TRAFD1: variants seen among roughly 807,000 people sequenced by gnomAD.
TRAFD1 encodes TRAF-type zinc finger domain containing 1.
Under a neutral mutation model 65.3 loss-of-function variants are expected in TRAFD1, and 38 were observed. The observed-to-expected ratio is 0.58, with a 90% CI of 0.45 to 0.76. TRAFD1 has a LOEUF of 0.76. Among genes scored for constraint, TRAFD1 ranks in the 30% least tolerant of loss-of-function variants. TRAFD1 has a pLI of 0.00. For missense variants in TRAFD1, 631 were observed against 712.6 expected (o/e 0.89, Z 1.30); for synonymous variants, 223 against 257.2 (o/e 0.87, Z 1.27).
chr12:112,140,119 G>A (rs755468886), intron 4 of TRAFD1: 12 of 334,036 alleles, frequency 3.6e-5, no homozygotes, highest in South Asian at 2.2e-4. Flanking sequence ...TCATTATTAG[G>A]TACTTAAGAC....
intron 4 of TRAFD1, among the ~76,000 whole-genome samples, chr12:112,135,945 C>T (rs1168360523): frequency 6.6e-6 from 1 of 150,810 alleles, no homozygotes; most frequent in Non-Finnish European, 1.5e-5. Context: ...AGTTTGAGAC[C>T]AGCCTGGCCA....
Position 112,130,828 on chromosome 12 carries a change from A to G in TRAFD1, c.47+259A>G, listed in dbSNP as rs529205769. Among the ~76,000 whole-genome samples the G allele has an allele frequency of 6.6e-6, 1 of 152,308 alleles. No individual in the cohort carries two copies. The highest frequency in any genetic ancestry group is 1.5e-5 in the Non-Finnish European group (1 of 68,014). Reference sequence around the variant, plus strand: ...TATCTTGGTATCTTGGTGCTATACAAGTGCTGTTACTGTAAGCTGACAAAA... The same window carrying G: ...TATCTTGGTATCTTGGTGCTATACAGGTGCTGTTACTGTAAGCTGACAAAA... On this transcript the variant is annotated intron_variant, in intron 2 of 11. Transcript: ENST00000412615. The surrounding 1 kb of genome is among the most constrained non-coding windows in gnomAD (Gnocchi z 4.4).
intron 7 of TRAFD1, among the ~76,000 whole-genome samples, chr12:112,146,479 T>C (rs1446902816): frequency 6.6e-6 from 1 of 152,256 alleles, no homozygotes; most frequent in Non-Finnish European, 1.5e-5. Context: ...CTATCCGTTT[T>C]GTGATCTGGT....
At chr12:112,146,181 A>G (rs923490987) in intron 7 of TRAFD1, among the ~76,000 whole-genome samples, 8 of 150,452 alleles carry the variant, frequency 5.3e-5, no homozygotes, top group East Asian at 3.9e-4. Flanking sequence ...ATAATAAAAA[A>G]AAGAAGAAGA....
At chr12:112,139,282 C>G (rs1487402733) in intron 4 of TRAFD1, among the ~76,000 whole-genome samples, 1 of 151,428 alleles carries the variant, frequency 6.6e-6, no homozygotes, top group Non-Finnish European at 1.5e-5. Flanking sequence ...CCCAGGAGGT[C>G]AAGGCTGCGG....
chr12:112,134,864 A>T lies in TRAFD1; in HGVS notation c.174A>T (p.Glu58Asp), dbSNP rs772980262. 1.3e-5 allele frequency: 21 copies of T among 1,612,926 alleles called. No individual in the cohort carries two copies. Among genetic ancestry groups the T allele is most frequent in the Admixed American group, 1.7e-5 (1 of 60,002 alleles). ...KSDMETHMAA[E>D]HCQVTCKCNK... ...ACATGGAGACTCACATGGCTGCAGA[A>T]CACTGTCAGGTGAGCCACCAAGTAC... Residue 58 changes from glutamate to aspartate, a missense_variant, in exon 3 of 12, where the codon GAA becomes GAT. Coordinates refer to ENST00000412615, the MANE Select transcript of TRAFD1 (RefSeq NM_006700.3).
intron 7 of TRAFD1, 145 bp downstream of exon 7, chr12:112,145,807 G>C (rs2030223962): frequency 1.4e-6 from 1 of 701,450 alleles, no homozygotes; most frequent in African/African-American, 1.8e-5. Flanking sequence ...TGATGTGAGT[G>C]GCATACAGAT....
At position 112,137,473 on chromosome 12, in the gene TRAFD1, C is replaced by T. The variant is rs1168647281; in HGVS notation, c.237+2407C>T. Among the ~76,000 whole-genome samples the T allele has an allele frequency of 6.6e-6, 1 of 152,018 alleles. No individual in the cohort carries two copies. The highest frequency in any genetic ancestry group is 1.9e-4 in the East Asian group (1 of 5,140). On this transcript the variant is annotated intron_variant, in intron 4 of 11. Coordinates refer to ENST00000412615, the MANE Select transcript of TRAFD1 (RefSeq NM_006700.3). The surrounding 1 kb of genome is among the most constrained non-coding windows in gnomAD (Gnocchi z 4.2). ...GGGAGCATCCCTCAGCCTTGATCTT[C>T]ATTTCTTGGCTGGGCGCAGTGGCTC...
chr12:112,141,346 G>A, intron 5 of TRAFD1, 122 bp downstream of exon 5: 3 of 1,122,304 alleles, frequency 2.7e-6, no homozygotes, highest in Non-Finnish European at 3.8e-6. Flanking sequence ...AGTAACACTG[G>A]GAAGAATACC....
chr12:112,149,433 T>C, intron 8 of TRAFD1: 1 of 242,356 alleles, frequency 4.1e-6, no homozygotes, highest in South Asian at 5.3e-5. Flanking sequence ...CTTGTTCTAC[T>C]CTTTTCCCCG....
Position 112,149,837 on chromosome 12 carries a change from A to G in TRAFD1, c.1245A>G (p.Ser415=), listed in dbSNP as rs903073426. The G allele has an allele frequency of 6.2e-7, 1 of 1,614,078 alleles. No homozygotes were observed. The highest frequency in any genetic ancestry group is 1.3e-5 in the African/African-American group (1 of 74,942). Residue 415 remains serine (S), a synonymous_variant, in exon 9 of 12, where the codon TCA becomes TCG. Coordinates refer to ENST00000412615, the MANE Select transcript of TRAFD1 (RefSeq NM_006700.3). The stretch of plus-strand genomic sequence containing the variant: ...TGGATTCCCAGCCTCAAGAGACCTC[A>G]CCAGAGCTGCCCAGGAGGCGTGTCA... ...PRLDSQPQET[S]PELPRRRVRH...
chr12:112,149,460 T>C, intron 8 of TRAFD1: 1 of 285,930 alleles, frequency 3.5e-6, no homozygotes, highest in South Asian at 4.0e-5. Context: ...CTATTGCACT[T>C]GAATAGTCTT....
intron 5 of TRAFD1, 64 bp from the exon 6 acceptor site, chr12:112,142,025 A>T: frequency 9.0e-6 from 14 of 1,564,096 alleles, no homozygotes; most frequent in Non-Finnish European, 1.2e-5. Flanking sequence ...CTAGGCATGG[A>T]CTTGAGTTGA....
At chr12:112,128,413 G>C (rs1459050289) in intron 1 of TRAFD1, among the ~76,000 whole-genome samples, 1 of 152,186 alleles carries the variant, frequency 6.6e-6, no homozygotes, top group African/African-American at 2.4e-5. Context: ...CCTACTGGGG[G>C]CAGGATTTAA....
At chr12:112,126,001 C>T (rs1337649850) in intron 1 of TRAFD1, 2 of 152,286 alleles carry the variant, frequency 1.3e-5, no homozygotes, top group Non-Finnish European at 2.9e-5. Context: ...CTAATGCGGC[C>T]TCGAAGCCGA....
In TRAFD1 at chr12:112,152,244, C is replaced by A; in HGVS notation, c.1619+104C>A. On this transcript the variant is annotated intron_variant, in intron 10 of 11. Transcript: ENST00000412615. This position sits in a 1 kb window ranked among gnomAD's most constrained non-coding sequence, Gnocchi z 5.0. Reference sequence around the variant, plus strand: ...GCCTGGGGTAAGACTGAGGTACTTGCATGGTAAGGGGAGGAGTATGGATTT... The same window carrying A: ...GCCTGGGGTAAGACTGAGGTACTTGAATGGTAAGGGGAGGAGTATGGATTT... 7.0e-7 allele frequency: 1 copy of A among 1,423,092 alleles called. No individual in the cohort carries two copies. The highest frequency in any genetic ancestry group is 1.3e-5 in the South Asian group (1 of 76,308). The allele number at this position is 1,423,092 out of a possible 1,614,324, so 88.2% of individuals were successfully genotyped here. A position where few individuals can be genotyped will look rare whatever the true frequency, so the allele number is the denominator to read the frequency against.
At chr12:112,145,722 T>G in intron 7 of TRAFD1, 60 bp downstream of exon 7, 1 of 1,492,454 alleles carries the variant, frequency 6.7e-7, no homozygotes, top group African/African-American at 1.4e-5. Context: ...TAATTGGTGT[T>G]GCAGGCCACA....
intron 4 of TRAFD1, among the ~76,000 whole-genome samples, chr12:112,138,551 A>C (rs377006873): frequency 6.6e-6 from 1 of 151,458 alleles, no homozygotes; most frequent in Non-Finnish European, 1.5e-5. Context: ...CTGTCTCAAA[A>C]AAAAACAAAA....
In TRAFD1 at chr12:112,125,818, C is replaced by CA. The variant is rs1158124752; in HGVS notation, c.-13+201dup. On this transcript the variant is annotated intron_variant, in intron 1 of 11. Coordinates refer to ENST00000412615, the MANE Select transcript of TRAFD1 (RefSeq NM_006700.3). Reference sequence around the variant, plus strand: ...TCTCCTCAGGGAACCGGCGCCTTGGCAGCCCCCGGCGACGCCGCCCCCTTC... The same window carrying CA: ...TCTCCTCAGGGAACCGGCGCCTTGGCAAGCCCCCGGCGACGCCGCCCCCTTC... 2.6e-5 allele frequency: 4 copies of CA among 152,270 alleles called. No homozygotes were observed. The East Asian group carries it at 7.7e-4, about 29-fold the overall frequency. The allele number at this position is 152,270 out of a possible 1,614,324, so 9.4% of individuals were successfully genotyped here. A position where few individuals can be genotyped will look rare whatever the true frequency, so the allele number is the denominator to read the frequency against.
Sources: allele counts gnomAD v4.1 joint callset (sites outside exome capture counted in the v4.1 genomes callset), GRCh38; gene constraint gnomAD v4.1.1; non-coding constraint Gnocchi (gnomAD v3.1); transcripts MANE v1.5; gene names NCBI Gene and HGNC (gene_info 2026-07-23, HGNC 2026-07-21).